The following SYT7 variants were observed in gnomAD, a reference collection of about 807,000 sequenced individuals.
SYT7 encodes synaptotagmin-7.
In SYT7, 29 loss-of-function variants were observed where a neutral mutation model predicts 75.1. The observed-to-expected ratio is 0.39, with a 90% CI of 0.29 to 0.53. The LOEUF is 0.53. Among genes scored for constraint, SYT7 ranks in the 20% least tolerant of loss-of-function variants. SYT7 has a pLI of 0.77. For synonymous variants in SYT7, 376 were observed against 401.7 expected, an observed-to-expected ratio of 0.94 and a Z score of 0.76; for missense variants, 693 against 953.2, an observed-to-expected ratio of 0.73 and a Z score of 3.59.
intron 12 of SYT7, among the ~76,000 whole-genome samples, chr11:61,519,187 A>T (rs1168623751): frequency 1.3e-5 from 2 of 152,254 alleles, no homozygotes; most frequent in Non-Finnish European, 2.9e-5. Flanking sequence ...TTATATGATT[A>T]TCTCCATTTT....
chr11:61,566,431 T>C (rs951026997), intron 1 of SYT7, among the ~76,000 whole-genome samples: 14 of 152,046 alleles, frequency 9.2e-5, no homozygotes, highest in African/African-American at 3.1e-4. Context: ...AGCCCAGAAG[T>C]CATCAAGGCC....
At position 61,542,346 on chromosome 11, in the gene SYT7, C is replaced by A; in HGVS notation, c.806G>T (p.Arg269Leu). 1 of 1,530,512 alleles carries A rather than the reference C, an allele frequency of 6.5e-7. No homozygotes were observed. Among genetic ancestry groups the A allele is most frequent in the East Asian group, 2.5e-5 (1 of 40,566 alleles). 94.8% of individuals were successfully genotyped at this position (1,530,512 alleles called of 1,614,324 possible). A position where few individuals can be genotyped will look rare whatever the true frequency, so the allele number is the denominator to read the frequency against. ...CGAGGTGCCCTGCCGAGCCTGGCCC[C>A]GGCCATAGGCCCGGGGGTTGGGGCC... ...APGPNPRAYG[R>L]GQARQGTSAG... The change falls in exon 6 of 13, where the codon CGG becomes CTG. Residue 269 changes from arginine to leucine, a missense_variant. Arg to Leu is a moderately radical substitution (Grantham distance 102). Transcript: ENST00000539008. The surrounding 1 kb of genome is among the most constrained non-coding windows in gnomAD (Gnocchi z 7.8).
rs762333943 is a variant in SYT7, at chr11:61,523,287, G to T, written c.1757-13C>A. 1.2e-6 allele frequency: 2 copies of T among 1,613,594 alleles called. No individual in the cohort carries two copies. The highest frequency in any genetic ancestry group is 2.2e-5 in the East Asian group (1 of 44,874). Reference sequence around the variant, plus strand: ...TTCACGTAGGGGTCTAGGGGAGGGAGTGGGGAAGGGTTAGAGGGACCGTGG... The same window carrying T: ...TTCACGTAGGGGTCTAGGGGAGGGATTGGGGAAGGGTTAGAGGGACCGTGG... On this transcript the variant is annotated splice_polypyrimidine_tract_variant and intron_variant, in intron 11 of 12. Transcript: ENST00000539008. The surrounding 1 kb of genome is among the most constrained non-coding windows in gnomAD (Gnocchi z 5.0).
Position 61,524,288 on chromosome 11 carries a change from G to A in SYT7, c.1641+75C>T. 6.4e-7 allele frequency: 1 copy of A among 1,563,044 alleles called. No individual in the cohort carries two copies. ...CAGCCCTCCTGGCCTTCCTAAGGTT[G>A]ACAAGGGTCTGGGACCAGATCTCCC... is the stretch of plus-strand genomic sequence containing the variant. On this transcript the variant is annotated intron_variant, in intron 10 of 12. Transcript: ENST00000539008. This position sits in a 1 kb window ranked among gnomAD's most constrained non-coding sequence, Gnocchi z 4.1.
intron 1 of SYT7, among the ~76,000 whole-genome samples, chr11:61,579,019 G>A (rs2064161532): frequency 6.6e-6 from 1 of 152,158 alleles, no homozygotes; most frequent in Non-Finnish European, 1.5e-5. Flanking sequence ...TGGCCTCCGT[G>A]GTGAGGGCAG....
intron 7 of SYT7, among the ~76,000 whole-genome samples, 177 bp downstream of exon 7, chr11:61,537,967 C>A (rs1235576253): frequency 6.6e-6 from 1 of 152,152 alleles, no homozygotes; most frequent in Non-Finnish European, 1.5e-5. Context: ...ACCCCAGGGA[C>A]ACCACCGAGG....
At chr11:61,535,067 T>C (rs1266338502) in intron 7 of SYT7, among the ~76,000 whole-genome samples, 2 of 152,052 alleles carry the variant, frequency 1.3e-5, no homozygotes, top group Non-Finnish European at 2.9e-5. Flanking sequence ...TCAGCGCCAC[T>C]GAAGCTGTCG....
At chr11:61,582,970 G>GT (rs2064313668), upstream of SYT7, among the ~76,000 whole-genome samples, 1 of 152,130 alleles carries the variant, frequency 6.6e-6, no homozygotes, top group South Asian at 2.1e-4. Flanking sequence ...GCTCACACCT[G>GT]TAAGCCCAGC....
chr11:61,544,673 G>A (rs1319928190), intron 5 of SYT7, among the ~76,000 whole-genome samples: 1 of 152,200 alleles, frequency 6.6e-6, no homozygotes, highest in Admixed American at 6.5e-5. Context: ...TCAGTCACAG[G>A]AAACTAAAAT....
chr11:61,549,537 C>G (rs1487911945), intron 3 of SYT7, among the ~76,000 whole-genome samples: 1 of 152,240 alleles, frequency 6.6e-6, no homozygotes. Flanking sequence ...TAAGACGATC[C>G]TCTGTTGGGG....
intron 8 of SYT7, among the ~76,000 whole-genome samples, chr11:61,531,538 G>A (rs1367846536): frequency 6.6e-6 from 1 of 152,020 alleles, no homozygotes; most frequent in East Asian, 1.9e-4. Flanking sequence ...GAGAGGTGGG[G>A]AGGCCCAAGG....
intron 1 of SYT7, among the ~76,000 whole-genome samples, chr11:61,579,315 C>G (rs566091591): frequency 9.8e-5 from 15 of 152,356 alleles, no homozygotes; most frequent in African/African-American, 3.6e-4. Flanking sequence ...GCCTCTTCGA[C>G]GAAGATGCCA....
Position 61,523,268 on chromosome 11 carries a change from TA to T in SYT7, c.1762del (p.Tyr588ThrfsTer2). 1 of 1,613,938 alleles carries T rather than the reference TA, an allele frequency of 6.2e-7. No individual in the cohort carries two copies. Among genetic ancestry groups the T allele is most frequent in the Non-Finnish European group, 8.5e-7 (1 of 1,179,982 alleles). On this transcript the variant is annotated frameshift_variant, in exon 12 of 13. Coordinates refer to ENST00000539008, the MANE Select transcript of SYT7 (RefSeq NM_001365809.2). LOFTEE classifies it high-confidence loss of function. The surrounding 1 kb of genome is among the most constrained non-coding windows in gnomAD (Gnocchi z 5.0). ...CTTGTACATCAGCCATACCTTCACG[TA>T]GGGGTCTAGGGGAGGGAGTGGGGAA... ...AMDIGGTSDPYVKVWLMYKDK... is the reference protein window; with the variant it reads ...AMDIGGTSDPXVKVWLMYKDK...
intron 8 of SYT7, among the ~76,000 whole-genome samples, chr11:61,528,528 G>A (rs1359097018): frequency 6.6e-6 from 1 of 152,146 alleles, no homozygotes; most frequent in Non-Finnish European, 1.5e-5. Context: ...GGCGCGTGCT[G>A]GGGTTCCTGA....
At chr11:61,540,441 T>C (rs2063008523) in intron 6 of SYT7, 3 of 868,776 alleles carry the variant, frequency 3.5e-6, no homozygotes, top group Non-Finnish European at 4.1e-6. Flanking sequence ...AAAAAGAATA[T>C]GTGATGATCA....
chr11:61,573,154 G>T (rs1357518305), intron 1 of SYT7, among the ~76,000 whole-genome samples: 1 of 152,230 alleles, frequency 6.6e-6, no homozygotes, highest in Non-Finnish European at 1.5e-5. Context: ...GCTGGAGCAG[G>T]AGCTGTGTGG....
chr11:61,576,559 G>A lies in SYT7; in HGVS notation c.31+4231C>T, dbSNP rs2064084584. The stretch of plus-strand genomic sequence containing the variant: ...AGCTGGGGGTCATCAGCTCCGGACT[G>A]GGCCTCCCGCCCCCACGTGACCCCT... On this transcript the variant is annotated intron_variant, in intron 1 of 12. Transcript: ENST00000539008. This position sits in a 1 kb window ranked among gnomAD's most constrained non-coding sequence, Gnocchi z 4.1. Among the ~76,000 whole-genome samples, 1 of 152,236 alleles carries A rather than the reference G, an allele frequency of 6.6e-6. No homozygotes were observed. Among genetic ancestry groups the A allele is most frequent in the African/African-American group, 2.4e-5 (1 of 41,460 alleles).
intron 1 of SYT7, among the ~76,000 whole-genome samples, chr11:61,569,958 T>C (rs1277017878): frequency 6.6e-6 from 1 of 152,212 alleles, no homozygotes; most frequent in Non-Finnish European, 1.5e-5. Context: ...AGGCCCCAGA[T>C]GCTCCACTCA....
chr11:61,515,504 C>A lies in SYT7; in HGVS notation c.*3123G>T, dbSNP rs2062127670. 7.0e-6 allele frequency: 1 copy of A among 143,408 alleles called. No individual in the cohort carries two copies. The highest frequency in any genetic ancestry group is 1.5e-5 in the Non-Finnish European group (1 of 65,928). 8.9% of individuals were successfully genotyped at this position (143,408 alleles called of 1,614,324 possible). On this transcript the variant is annotated 3_prime_UTR_variant, in exon 13 of 13. Coordinates refer to ENST00000539008, the MANE Select transcript of SYT7 (RefSeq NM_001365809.2). ...AGTTTTTCTTCATTTCTCTTCGCTG[C>A]AAAATTTTTTTTTTTGTGATGGTGG...
Sources: allele counts gnomAD v4.1 joint callset (sites outside exome capture counted in the v4.1 genomes callset), GRCh38; gene constraint gnomAD v4.1.1; non-coding constraint Gnocchi (gnomAD v3.1); transcripts MANE v1.5; gene names NCBI Gene and HGNC (gene_info 2026-07-23, HGNC 2026-07-21).